The following TMEM117 variants were observed in gnomAD, a reference collection of about 807,000 sequenced individuals.
The protein encoded by TMEM117 is transmembrane protein 117.
Under a neutral mutation model 52.4 loss-of-function variants are expected in TMEM117, and 27 were observed. The observed-to-expected ratio is 0.51, with a 90% CI of 0.38 to 0.71. TMEM117 has a LOEUF of 0.71. Among genes scored for constraint, TMEM117 ranks in the 30% least tolerant of loss-of-function variants. TMEM117 has a pLI of 0.00. For missense variants in TMEM117, 556 were observed against 630.5 expected (o/e 0.88, Z 1.26); for synonymous variants, 215 against 206.3 (o/e 1.04, Z -0.36).
intron 5 of TMEM117, among the ~76,000 whole-genome samples, chr12:44,297,566 A>G (rs1482213182): frequency 1.3e-5 from 2 of 152,346 alleles, no homozygotes; most frequent in African/African-American, 4.8e-5. Context: ...ATATGAGTGC[A>G]TTCCTGTAAA....
intron 6 of TMEM117, among the ~76,000 whole-genome samples, chr12:44,351,629 G>GT (rs1446343468): frequency 6.6e-6 from 1 of 151,812 alleles, no homozygotes; most frequent in Non-Finnish European, 1.5e-5. Context: ...TTTCCCCAGT[G>GT]TATGTTCTTG....
intron 3 of TMEM117, among the ~76,000 whole-genome samples, chr12:44,065,858 G>A (rs922127761): frequency 1.2e-4 from 18 of 152,324 alleles, no homozygotes; most frequent in Non-Finnish European, 1.9e-4. Context: ...CTCTCTCTAC[G>A]TTAATGATGC....
rs564165255 is a variant in TMEM117, at chr12:44,070,193, C to G, written c.411-73332C>G. On this transcript the variant is annotated intron_variant, in intron 3 of 7. Transcript: ENST00000266534. ...GGCGTGAGCCACCGCACCTGGTCCC[C>G]AGACTCCTTTTATCTTTTTTCTCCA... is the stretch of plus-strand genomic sequence containing the variant. 3.3e-3 allele frequency among the ~76,000 whole-genome samples: 509 copies of G among 152,272 alleles called. 6 individuals are homozygous for G. The highest frequency in any genetic ancestry group is 0.012 in the African/African-American group (479 of 41,564).
At chr12:43,846,404 C>A (rs148388916) in intron 2 of TMEM117, among the ~76,000 whole-genome samples, 3 of 152,100 alleles carry the variant, frequency 2.0e-5, no homozygotes, top group African/African-American at 7.2e-5. Flanking sequence ...TTTTTATTAC[C>A]TAGAGAGACT....
chr12:43,804,931 C>G, the TMEM117 span, among the ~76,000 whole-genome samples: 2 of 152,188 alleles, frequency 1.3e-5, no homozygotes, highest in Admixed American at 6.5e-5. Flanking sequence ...CTTTCATTCT[C>G]TAATTCAGTT....
chr12:44,024,390 C>A (rs549031699), intron 3 of TMEM117, among the ~76,000 whole-genome samples: 1 of 152,218 alleles, frequency 6.6e-6, no homozygotes, highest in South Asian at 2.1e-4. Context: ...CAGTCCTCAC[C>A]GTTACAGTAC....
chr12:44,075,791 A>G (rs1947373075), intron 3 of TMEM117, among the ~76,000 whole-genome samples: 1 of 152,136 alleles, frequency 6.6e-6, no homozygotes, highest in Non-Finnish European at 1.5e-5. Flanking sequence ...CTTTTACATG[A>G]GAATATCTAG....
At chr12:44,086,673 G>T (rs1298591239) in intron 3 of TMEM117, among the ~76,000 whole-genome samples, 1 of 151,952 alleles carries the variant, frequency 6.6e-6, no homozygotes, top group African/African-American at 2.4e-5. Context: ...ATTCTATCTG[G>T]ATAGATCAGA....
At chr12:44,312,025 G>C (rs73276240) in intron 6 of TMEM117, among the ~76,000 whole-genome samples, 1 of 151,212 alleles carries the variant, frequency 6.6e-6, no homozygotes, top group Non-Finnish European at 1.5e-5. Flanking sequence ...GAAGGAAAAG[G>C]TCATGGAGGC....
chr12:43,861,301 T>C (rs970259362), intron 2 of TMEM117, among the ~76,000 whole-genome samples: 19 of 152,192 alleles, frequency 1.2e-4, no homozygotes, highest in African/African-American at 4.6e-4. Flanking sequence ...TTTCTGTCCA[T>C]GTCGGGGAGG....
At chr12:44,170,907 A>G (rs1316796571) in intron 4 of TMEM117, among the ~76,000 whole-genome samples, 1 of 152,206 alleles carries the variant, frequency 6.6e-6, no homozygotes, top group East Asian at 1.9e-4. Context: ...GTGCAAAGAC[A>G]AAACTAGAGA....
chr12:44,337,727 T>C (rs907672675), intron 6 of TMEM117, among the ~76,000 whole-genome samples: 1 of 152,084 alleles, frequency 6.6e-6, no homozygotes, highest in East Asian at 1.9e-4. Context: ...TGTGACGGCA[T>C]GCAATCCATT....
At chr12:44,246,642 T>C (rs900381422) in intron 5 of TMEM117, among the ~76,000 whole-genome samples, 1 of 152,132 alleles carries the variant, frequency 6.6e-6, no homozygotes, top group Non-Finnish European at 1.5e-5. Context: ...ACAAACTCAA[T>C]TAGCGTCCAG....
At chr12:44,056,706 C>G (rs1186230173) in intron 3 of TMEM117, among the ~76,000 whole-genome samples, 1 of 152,174 alleles carries the variant, frequency 6.6e-6, no homozygotes, top group East Asian at 1.9e-4. Flanking sequence ...ATAACAATTA[C>G]TACTATGAAC....
intron 3 of TMEM117, among the ~76,000 whole-genome samples, chr12:44,041,534 T>C (rs1398121957): frequency 6.6e-6 from 1 of 152,234 alleles, no homozygotes; most frequent in African/African-American, 2.4e-5. Flanking sequence ...GTTACATGGA[T>C]AAACCGCATC....
At chr12:44,052,726 CT>C (rs1946993944) in intron 3 of TMEM117, among the ~76,000 whole-genome samples, 1 of 152,186 alleles carries the variant, frequency 6.6e-6, no homozygotes, top group Non-Finnish European at 1.5e-5. Context: ...GTCCCATGCC[CT>C]TTGCCCCACA....
At chr12:43,915,309 C>T (rs1429123579) in intron 2 of TMEM117, among the ~76,000 whole-genome samples, 1 of 152,120 alleles carries the variant, frequency 6.6e-6, no homozygotes, top group African/African-American at 2.4e-5. Flanking sequence ...TGCCAGGTGG[C>T]TGGAAACAGA....
intron 1 of TMEM117, among the ~76,000 whole-genome samples, chr12:43,837,511 T>A (rs1444519830): frequency 6.6e-6 from 1 of 152,062 alleles, no homozygotes; most frequent in Non-Finnish European, 1.5e-5. Context: ...CATGCCTGGC[T>A]AATTTTTGTA....
intron 5 of TMEM117, among the ~76,000 whole-genome samples, chr12:44,254,922 C>G (rs1245530327): frequency 6.6e-6 from 1 of 151,246 alleles, no homozygotes; most frequent in African/African-American, 2.4e-5. Flanking sequence ...GGTTTTTTGT[C>G]CTTGCGATAG....
Sources: gnomAD v4.1 joint callset for allele counts (sites outside exome capture counted in the v4.1 genomes callset) on GRCh38, gnomAD v4.1.1 for gene constraint, MANE v1.5 for transcripts, NCBI Gene and HGNC (gene_info 2026-07-23, HGNC 2026-07-21) for gene names.